The following GRID2 variants were observed in gnomAD, a reference collection of about 807,000 sequenced individuals.
GRID2 encodes glutamate ionotropic receptor delta type subunit 2, also known as glutamate receptor ionotropic, delta-2.
In GRID2, 33 loss-of-function variants were observed where a neutral mutation model predicts 114.8. The ratio of observed to expected loss-of-function variants is 0.29; its 90% CI spans 0.22 to 0.38. GRID2 has a LOEUF of 0.38. Among genes scored for constraint, GRID2 ranks in the 10% least tolerant of loss-of-function variants. GRID2 has a pLI of 1.00. For synonymous variants in GRID2, 505 were observed against 449.9 expected, an observed-to-expected ratio of 1.12 and a Z score of -1.55; for missense variants, 1,184 against 1,257.7, an observed-to-expected ratio of 0.94 and a Z score of 0.89.
intron 2 of GRID2, among the ~76,000 whole-genome samples, chr4:92,650,684 A>G (rs555011152): frequency 6.6e-6 from 1 of 151,886 alleles, no homozygotes; most frequent in Admixed American, 6.6e-5. Flanking sequence ...TGGAAATGAG[A>G]CCTGTAGGCC....
At chr4:92,777,271 T>A (rs562968378) in intron 2 of GRID2, among the ~76,000 whole-genome samples, 21 of 152,214 alleles carry the variant, frequency 1.4e-4, no homozygotes, top group Admixed American at 9.2e-4. Flanking sequence ...AGAAATTTTT[T>A]AAAAATACTA....
At chr4:93,171,970 A>G (rs554549166) in intron 4 of GRID2, among the ~76,000 whole-genome samples, 1 of 152,176 alleles carries the variant, frequency 6.6e-6, no homozygotes, top group South Asian at 2.1e-4. Context: ...GAAAATTGCT[A>G]GATTATCATT....
intron 8 of GRID2, among the ~76,000 whole-genome samples, chr4:93,337,685 G>T (rs1253752444): frequency 4.6e-5 from 7 of 152,236 alleles, no homozygotes; most frequent in Admixed American, 3.9e-4. Context: ...TATGGCCTCT[G>T]CTCACAAGAT....
chr4:93,720,341 C>T (rs567003669), intron 14 of GRID2, among the ~76,000 whole-genome samples: 68 of 152,262 alleles, frequency 4.5e-4, no homozygotes, highest in East Asian at 1.9e-4. Flanking sequence ...GTCCAGAAAC[C>T]TTATATTAAT....
At chr4:92,484,725 T>C (rs926355567) in intron 1 of GRID2, among the ~76,000 whole-genome samples, 1 of 152,046 alleles carries the variant, frequency 6.6e-6, no homozygotes, top group South Asian at 2.1e-4. Flanking sequence ...GATATTGAGA[T>C]AGTAGGATGA....
intron 14 of GRID2, among the ~76,000 whole-genome samples, chr4:93,732,163 T>C (rs1730540717): frequency 6.6e-6 from 1 of 152,192 alleles, no homozygotes; most frequent in Non-Finnish European, 1.5e-5. Flanking sequence ...ATGCATATCA[T>C]AGATTTTCCA....
At chr4:92,993,474 T>C (rs930706112) in intron 2 of GRID2, among the ~76,000 whole-genome samples, 2 of 151,718 alleles carry the variant, frequency 1.3e-5, no homozygotes, top group African/African-American at 4.9e-5. Context: ...TATTAAATAA[T>C]AGGGAATACA....
At chr4:93,131,273 C>A (rs1182949174) in intron 4 of GRID2, among the ~76,000 whole-genome samples, 1 of 149,782 alleles carries the variant, frequency 6.7e-6, no homozygotes, top group Non-Finnish European at 1.5e-5. Context: ...CCTACCCCAG[C>A]CTTCTGAGTT....
chr4:93,180,616 T>A (rs957698191), intron 4 of GRID2, among the ~76,000 whole-genome samples: 4 of 152,178 alleles, frequency 2.6e-5, no homozygotes, highest in Admixed American at 6.6e-5. Flanking sequence ...TTGGAGTCTA[T>A]CCTCTCAACC....
chr4:92,711,894 C>T (rs1000483561), intron 2 of GRID2, among the ~76,000 whole-genome samples: 1 of 152,070 alleles, frequency 6.6e-6, no homozygotes, highest in Admixed American at 6.6e-5. Flanking sequence ...CAGAGAGAAA[C>T]CCTGTCTTTG....
At chr4:92,820,698 T>C (rs188559097) in intron 2 of GRID2, among the ~76,000 whole-genome samples, 1 of 152,262 alleles carries the variant, frequency 6.6e-6, no homozygotes, top group East Asian at 1.9e-4. Flanking sequence ...TTCAGTTCTA[T>C]TTAGAATGCA....
chr4:93,701,815 C>G (rs1320959913), intron 14 of GRID2, among the ~76,000 whole-genome samples: 1 of 151,778 alleles, frequency 6.6e-6, no homozygotes, highest in South Asian at 2.1e-4. Context: ...ATAGTAAAAC[C>G]CCATCTCTAA....
At chr4:93,702,407 A>G (rs1578610240) in intron 14 of GRID2, among the ~76,000 whole-genome samples, 1 of 152,270 alleles carries the variant, frequency 6.6e-6, no homozygotes, top group African/African-American at 2.4e-5. Flanking sequence ...ATGTTTATAT[A>G]CAGGTAGCTC....
rs1248743389 is a variant in GRID2 at position 92,934,735 on chromosome 4, A to C, written c.245-150260A>C. Among the ~76,000 whole-genome samples, 3 of 146,730 alleles carry C rather than the reference A, an allele frequency of 2.0e-5. 1 individual carries two copies. The highest frequency in any genetic ancestry group is 1.5e-4 in the Admixed American group (2 of 13,506). ...ACAGAGCCCTCAGAAATAACACTGC[A>C]TGTCTACAACTATCTGATCTTTGAC... On this transcript the variant is annotated intron_variant, in intron 2 of 15. Transcript: ENST00000282020.
At chr4:93,533,313 C>T (rs368268488) in intron 13 of GRID2, among the ~76,000 whole-genome samples, 2 of 94,180 alleles carry the variant, frequency 2.1e-5, no homozygotes, top group African/African-American at 3.9e-5. Context: ...TTCCTTCCTT[C>T]CTTCTTTCCT....
intron 2 of GRID2, among the ~76,000 whole-genome samples, chr4:92,949,076 A>G (rs1751846621): frequency 1.3e-5 from 2 of 151,808 alleles, no homozygotes; most frequent in South Asian, 4.1e-4. Flanking sequence ...TAATGATACA[A>G]GAAGACAACC....
intron 2 of GRID2, among the ~76,000 whole-genome samples, chr4:92,703,675 A>G (rs1279417364): frequency 1.3e-5 from 2 of 150,138 alleles, no homozygotes; most frequent in East Asian, 3.9e-4. Context: ...AAATTAATGT[A>G]TGTAAATTAC....
chr4:93,572,087 C>T (rs1248638968), intron 13 of GRID2, among the ~76,000 whole-genome samples: 1 of 152,102 alleles, frequency 6.6e-6, no homozygotes, highest in Admixed American at 6.6e-5. Context: ...CAAGTGATTG[C>T]TTGAAAGATC....
chr4:92,989,293 A>AT (rs1382964344), intron 2 of GRID2, among the ~76,000 whole-genome samples: 4 of 145,410 alleles, frequency 2.8e-5, no homozygotes, highest in Admixed American at 1.4e-4. Context: ...AAAAAAAAAA[A>AT]AAAAAAAAAT....
Sources: allele counts gnomAD v4.1 joint callset (sites outside exome capture counted in the v4.1 genomes callset), GRCh38; gene constraint gnomAD v4.1.1; transcripts MANE v1.5; gene names NCBI Gene and HGNC (gene_info 2026-07-23, HGNC 2026-07-21).